Variants in TMEM94 observed in about 807,000 individuals in gnomAD.
TMEM94 encodes ER Mg2+ ATPase.
Under a neutral mutation model 158.6 loss-of-function variants are expected in TMEM94, and 81 were observed. That is an observed-to-expected ratio of 0.51 (90% CI 0.43 to 0.61). TMEM94 has a LOEUF of 0.61. Among genes scored for constraint, TMEM94 ranks in the 20% least tolerant of loss-of-function variants. The pLI, the probability that TMEM94 is intolerant of heterozygous loss-of-function variation, is 0.00. For missense variants in TMEM94, 1,435 were observed against 1,762.0 expected, an observed-to-expected ratio of 0.81 and a Z score of 3.32; for synonymous variants, 751 against 730.7, an observed-to-expected ratio of 1.03 and a Z score of -0.45.
chr17:75,490,101 C>A, intron 9 of TMEM94, 133 bp from the exon 10 acceptor site: 5 of 1,247,864 alleles, frequency 4.0e-6, no homozygotes, highest in Non-Finnish European at 5.5e-6. Context: ...AAGAACACCT[C>A]TTTCCCTTCC....
At chr17:75,461,817 G>A (rs1402434709) in intron 1 of TMEM94, among the ~76,000 whole-genome samples, 1 of 150,906 alleles carries the variant, frequency 6.6e-6, no homozygotes. Flanking sequence ...GGGAGGCTGA[G>A]GCAGGAGAAT....
rs755564382 is a variant in TMEM94, at chr17:75,491,072, C to T, written c.1152C>T (p.Gly384=). Reference sequence around the variant, plus strand: ...AGGAAATGCTGCGCTGCATTTGGGGCCACTTCCTGAGGGTGCTCGGGGGGA... The same window carrying T: ...AGGAAATGCTGCGCTGCATTTGGGGTCACTTCCTGAGGGTGCTCGGGGGGA... ...SSQEMLRCIW[G]HFLRVLGGTS... Residue 384 remains glycine, a synonymous_variant, in exon 12 of 32, where the codon GGC becomes GGT. Transcript: ENST00000314256. This position sits in a 1 kb window ranked among gnomAD's most constrained non-coding sequence, Gnocchi z 5.1. 20 of 1,612,570 alleles carry T rather than the reference C, an allele frequency of 1.2e-5. No individual in the cohort carries two copies. In the South Asian group the frequency reaches 2.2e-4, roughly 18 times the overall value.
chr17:75,467,055 A>G (rs970088328), intron 1 of TMEM94, among the ~76,000 whole-genome samples: 1 of 148,618 alleles, frequency 6.7e-6, no homozygotes, highest in Non-Finnish European at 1.5e-5. Flanking sequence ...GCTCACTGCA[A>G]CCTCTGCCTC....
At chr17:75,490,580 C>G (rs567546556) in intron 10 of TMEM94, 122 bp from the exon 11 acceptor site, 1 of 976,246 alleles carries the variant, frequency 1.0e-6, no homozygotes, top group African/African-American at 1.6e-5. Context: ...TCAGAACGGC[C>G]TGGGCCCTTT....
At chr17:75,493,461 G>A (rs1057170613) in intron 16 of TMEM94, 30 bp from the exon 17 acceptor site, 21 of 1,604,254 alleles carry the variant, frequency 1.3e-5, no homozygotes, top group Middle Eastern at 3.3e-4. Flanking sequence ...GCTGGTTAGC[G>A]ACACTCAGGG....
chr17:75,492,794 AG>A lies in TMEM94; in HGVS notation c.1912+7del, dbSNP rs776725557. 5.9e-5 allele frequency: 95 copies of A among 1,598,722 alleles called. No homozygotes were observed. The highest frequency in any genetic ancestry group is 6.0e-5 in the Non-Finnish European group (71 of 1,173,866). ...GCGAGCTTGCCCGCCTCATTGGTAC[AG>A]GTCCCCATGGCAGGGGATGGCTGGC... On this transcript the variant is annotated splice_donor_region_variant and intron_variant, in intron 15 of 31. Transcript: ENST00000314256. This position sits in a 1 kb window ranked among gnomAD's most constrained non-coding sequence, Gnocchi z 4.4.
At chr17:75,476,431 T>A (rs2146308788) in intron 2 of TMEM94, 790 of 850,150 alleles carry the variant, frequency 9.3e-4, no homozygotes, top group Middle Eastern at 1.3e-3. Flanking sequence ...CTCCCCTCCC[T>A]CCCGCCCTTC....
rs772299344 is a variant in TMEM94, at chr17:75,486,297, G to A, written c.280G>A (p.Val94Met). The change falls in exon 5 of 32, where the codon GTG becomes ATG. Residue 94 changes from valine (V) to methionine (M), a missense_variant. By Grantham distance (21) the Val-to-Met change is conservative (BLOSUM62 1). Around this residue, in one of 3 missense-constraint regions of TMEM94, gnomAD observed 1,051 missense variants for 1,254.4 expected, o/e 0.84. Transcript: ENST00000314256. ...CGGQPAGSRG[V>M]GLVNASALFL... ...TCTCTTTCCTCCCACCAGCCGTGGG[G>A]TGGGGCTGGTGAATGCCTCGGCCTT... is the stretch of plus-strand genomic sequence containing the variant. 6.2e-7 allele frequency: 1 copy of A among 1,614,128 alleles called. No homozygotes were observed.
At position 75,499,558 on chromosome 17, in the gene TMEM94, G is replaced by A. The variant is rs953150773; in HGVS notation, c.*224G>A. On this transcript the variant is annotated 3_prime_UTR_variant, in exon 32 of 32. Transcript: ENST00000314256. ...CTTGGCCAGTCCTGGCTCTTCCCTG[G>A]GCCTCACCAGGGACACTCTTGAATG... 1 of 586,446 alleles carries A rather than the reference G, an allele frequency of 1.7e-6. No homozygotes were observed. The highest frequency in any genetic ancestry group is 2.8e-5 in the East Asian group (1 of 35,146). The allele number at this position is 586,446 out of a possible 1,614,324, so 36.3% of individuals were successfully genotyped here. A position where few individuals can be genotyped will look rare whatever the true frequency, so the allele number is the denominator to read the frequency against.
chr17:75,492,952 C>T lies in TMEM94; in HGVS notation c.1936C>T (p.Leu646Phe). ...AGGCTTCACTCCTGGGGCCAAGGAG[C>T]TTTTCAAGCAGGAGAACCATCTGGC... is the stretch of plus-strand genomic sequence containing the variant. ...LIGFTPGAKE[L>F]FKQENHLALY... is the part of the protein sequence containing the mutation. Residue 646 changes from leucine to phenylalanine, a missense_variant, in exon 16 of 32, where the codon CTT becomes TTT. This residue lies in a region of TMEM94 where 1,051 missense variants were observed against 1,254.4 expected (regional missense o/e 0.84). Transcript: ENST00000314256. This position sits in a 1 kb window ranked among gnomAD's most constrained non-coding sequence, Gnocchi z 4.4. 1 of 1,613,384 alleles carries T rather than the reference C, an allele frequency of 6.2e-7. No individual in the cohort carries two copies. Among genetic ancestry groups the T allele is most frequent in the East Asian group, 2.2e-5 (1 of 44,864 alleles).
Position 75,492,268 on chromosome 17 carries a change from AGTC to A in TMEM94, c.1597-205_1597-203del. The A allele has an allele frequency of 7.0e-7, 1 of 1,425,752 alleles. No homozygotes were observed. The highest frequency in any genetic ancestry group is 9.1e-7 in the Non-Finnish European group (1 of 1,095,648). The allele number at this position is 1,425,752 out of a possible 1,614,324, so 88.3% of individuals were successfully genotyped here. ...TGCCAGTGTCATGAGATATATTAAT[AGTC>A]CATAGAAGCAGACAGGAGCCCAAGA... is the stretch of plus-strand genomic sequence containing the variant. On this transcript the variant is annotated intron_variant, in intron 14 of 31. Coordinates refer to ENST00000314256, the MANE Select transcript of TMEM94 (RefSeq NM_014738.6). The surrounding 1 kb of genome is among the most constrained non-coding windows in gnomAD (Gnocchi z 4.4).
At chr17:75,474,244 C>G (rs2050594087) in intron 2 of TMEM94, among the ~76,000 whole-genome samples, 3 of 151,496 alleles carry the variant, frequency 2.0e-5, no homozygotes, top group Admixed American at 2.0e-4. Flanking sequence ...GTGGCTCACA[C>G]CTGTAAATCC....
intron 2 of TMEM94, among the ~76,000 whole-genome samples, chr17:75,479,299 A>C (rs1440447637): frequency 2.0e-5 from 3 of 151,318 alleles, no homozygotes; most frequent in South Asian, 2.1e-4. Flanking sequence ...TCATGTCTAC[A>C]AAAAAAAATT....
rs1173466065 is a variant in TMEM94, at chr17:75,491,190, T to C, written c.1233+37T>C. The C allele has an allele frequency of 1.9e-6, 3 of 1,594,494 alleles. No homozygotes were observed. In the East Asian group the frequency reaches 6.7e-5, roughly 36 times the overall value. Reference sequence around the variant, plus strand: ...CCTTGCGGGGAGGAGGCAACTGTCATGCCCGCCCTGCTCTCTGGCTGGGCC... The same window carrying C: ...CCTTGCGGGGAGGAGGCAACTGTCACGCCCGCCCTGCTCTCTGGCTGGGCC... On this transcript the variant is annotated intron_variant, in intron 12 of 31. Coordinates refer to ENST00000314256, the MANE Select transcript of TMEM94 (RefSeq NM_014738.6). This position sits in a 1 kb window ranked among gnomAD's most constrained non-coding sequence, Gnocchi z 5.1.
chr17:75,483,463 CTTT>C (rs1195481464), intron 2 of TMEM94, among the ~76,000 whole-genome samples: 3 of 139,306 alleles, frequency 2.2e-5, no homozygotes, highest in Admixed American at 7.2e-5. Context: ...TTTTTCTTTT[CTTT>C]TTTTTTTTTT....
chr17:75,476,388 G>T lies in TMEM94; in HGVS notation c.24+4459G>T, dbSNP rs542958100. The T allele has an allele frequency of 1.2e-4, 87 of 696,162 alleles. No homozygotes were observed. The Middle Eastern group carries it at 2.3e-3, about 18-fold the overall frequency. The allele number at this position is 696,162 out of a possible 1,614,324, so 43.1% of individuals were successfully genotyped here. On this transcript the variant is annotated intron_variant, in intron 2 of 31. Coordinates refer to ENST00000314256, the MANE Select transcript of TMEM94 (RefSeq NM_014738.6). The stretch of plus-strand genomic sequence containing the variant: ...GTTGGACAAACTTTCTCTTCTCAAT[G>T]CTCCTGTTTCCTCCCTCCTTCTCTT...
intron 5 of TMEM94, among the ~76,000 whole-genome samples, chr17:75,486,821 T>C (rs56917167): frequency 0.059 from 8,961 of 151,482 alleles, 853 homozygotes; most frequent in African/African-American, 0.2. Context: ...GGAATTGGGG[T>C]GGGGTAGGGG....
Position 75,498,931 on chromosome 17 carries a change from C to T in TMEM94, c.3847C>T (p.Gln1283Ter). Residue 1283 changes from glutamine to a stop codon, truncating the protein, a stop_gained, in exon 31 of 32, where the codon CAG becomes TAG. Transcript: ENST00000314256. LOFTEE classifies it high-confidence loss of function. The surrounding 1 kb of genome is among the most constrained non-coding windows in gnomAD (Gnocchi z 6.7). ...CTGCAGGCTGCTGGGTCAGGTGGTC[C>T]AGACGGCTGTGGACCTGCAGCTGTG... Reference protein sequence around the residue: ...VPVVLLGQVVQTAVDLQLWTH... With the variant: ...VPVVLLGQVV The T allele has an allele frequency of 6.4e-7, 1 of 1,558,376 alleles. No homozygotes were observed. The highest frequency in any genetic ancestry group is 8.7e-7 in the Non-Finnish European group (1 of 1,152,104).
intron 4 of TMEM94, 97 bp from the exon 5 acceptor site, chr17:75,486,193 C>A: frequency 6.4e-7 from 1 of 1,552,002 alleles, no homozygotes; most frequent in South Asian, 1.2e-5. Context: ...AGTCTTTCCA[C>A]AAGGGACTGG....
Sources: allele counts gnomAD v4.1 joint callset (sites outside exome capture counted in the v4.1 genomes callset), GRCh38; gene constraint gnomAD v4.1.1; regional missense constraint gnomAD v4.1.1; non-coding constraint Gnocchi (gnomAD v3.1); transcripts MANE v1.5; gene names NCBI Gene and HGNC (gene_info 2026-07-23, HGNC 2026-07-21).